TASP1: variants seen among roughly 807,000 people sequenced by gnomAD.
TASP1 encodes taspase 1.
In TASP1, 16 loss-of-function variants were observed where a neutral mutation model predicts 56.6. That is an observed-to-expected ratio of 0.28 (90% confidence interval 0.19 to 0.43). The LOEUF (loss-of-function observed/expected upper bound fraction) is 0.43. TASP1 is among the 20% of genes least tolerant of loss of function. TASP1 has a pLI of 1.00. For missense variants in TASP1, 393 were observed against 511.6 expected, an observed-to-expected ratio of 0.77 and a Z score of 2.24; for synonymous variants, 179 against 184.2, an observed-to-expected ratio of 0.97 and a Z score of 0.23.
chr20:13,358,419 C>CTA, the TASP1 span, among the ~76,000 whole-genome samples: 1 of 152,178 alleles, frequency 6.6e-6, no homozygotes, highest in African/African-American at 2.4e-5. Flanking sequence ...AAAGATCCAC[C>CTA]TATGACCTCA....
Position 13,472,004 on chromosome 20 carries a change from A to G in TASP1, c.985+11223T>C, listed in dbSNP as rs138900639. 3.3e-3 allele frequency among the ~76,000 whole-genome samples: 495 copies of G among 152,164 alleles called. 2 individuals are homozygous for G. Among genetic ancestry groups the G allele is most frequent in the East Asian group, 0.012 (60 of 5,178 alleles). ...TGGAAAAGACTATTTTAAAGTTCAT[A>G]TGGAACCAAAAAAGAGCCTGCATTG... On this transcript the variant is annotated intron_variant, in intron 11 of 13. Coordinates refer to ENST00000337743, the MANE Select transcript of TASP1 (RefSeq NM_017714.3).
chr20:13,127,974 C>T, the TASP1 span, among the ~76,000 whole-genome samples: 1 of 152,118 alleles, frequency 6.6e-6, no homozygotes, highest in Non-Finnish European at 1.5e-5. Context: ...ACTATTCACT[C>T]GTATGTGGCC....
At chr20:13,576,371 AAG>A (rs1450012213) in intron 6 of TASP1, among the ~76,000 whole-genome samples, 23 of 145,490 alleles carry the variant, frequency 1.6e-4, no homozygotes, top group South Asian at 6.7e-4. Flanking sequence ...GAAAGAAAGA[AAG>A]AAAGAAAGAA....
intron 11 of TASP1, among the ~76,000 whole-genome samples, chr20:13,449,223 C>A (rs1249672955): frequency 6.6e-6 from 1 of 151,998 alleles, no homozygotes; most frequent in Admixed American, 6.6e-5. Flanking sequence ...GTTGATATGG[C>A]CAAATAATGC....
intron 10 of TASP1, among the ~76,000 whole-genome samples, chr20:13,527,964 G>A (rs2045050174): frequency 6.6e-6 from 1 of 152,060 alleles, no homozygotes; most frequent in Admixed American, 6.6e-5. Flanking sequence ...ACTTAAGCCT[G>A]TAATCCCAGC....
chr20:13,495,390 T>A (rs551284788), intron 10 of TASP1, among the ~76,000 whole-genome samples: 1 of 152,306 alleles, frequency 6.6e-6, no homozygotes, highest in South Asian at 2.1e-4. Context: ...TGCTCACCAG[T>A]CATTGCTTAT....
At chr20:13,367,520 C>A in the TASP1 span, among the ~76,000 whole-genome samples, 1 of 152,156 alleles carries the variant, frequency 6.6e-6, no homozygotes, top group Admixed American at 6.6e-5. Flanking sequence ...ATTGGATATC[C>A]TTTAATGTGC....
At chr20:13,224,515 T>C in the TASP1 span, among the ~76,000 whole-genome samples, 1 of 152,222 alleles carries the variant, frequency 6.6e-6, no homozygotes, top group African/African-American at 2.4e-5. Flanking sequence ...ATTTGTTGGT[T>C]CTGTGCTATC....
At chr20:13,398,351 G>A (rs1252253786) in intron 13 of TASP1, among the ~76,000 whole-genome samples, 1 of 151,902 alleles carries the variant, frequency 6.6e-6, no homozygotes, top group Non-Finnish European at 1.5e-5. Context: ...CTTCTGCTGG[G>A]TCCTGGCAGG....
the TASP1 span, among the ~76,000 whole-genome samples, chr20:13,123,057 G>A: frequency 1.3e-5 from 2 of 152,162 alleles, no homozygotes; most frequent in African/African-American, 2.4e-5. Flanking sequence ...TCGGCCAGGC[G>A]TGGTGGCTCA....
the TASP1 span, among the ~76,000 whole-genome samples, chr20:13,112,767 G>A: frequency 9.2e-5 from 14 of 152,152 alleles, no homozygotes; most frequent in Admixed American, 2.6e-4. Context: ...AGCCTCAATC[G>A]CTCTTGGGGG....
At chr20:13,123,535 C>T in the TASP1 span, among the ~76,000 whole-genome samples, 1 of 152,118 alleles carries the variant, frequency 6.6e-6, no homozygotes, top group Non-Finnish European at 1.5e-5. Flanking sequence ...CAGTAAGTGG[C>T]AAAGCCAGGA....
intron 7 of TASP1, among the ~76,000 whole-genome samples, chr20:13,567,639 G>GA (rs2046579719): frequency 6.6e-6 from 1 of 151,718 alleles, no homozygotes; most frequent in African/African-American, 2.4e-5. Context: ...CTTCCAAAGA[G>GA]AAAAAAATAC....
In TASP1 at chr20:13,543,033, C is replaced by T. The variant is rs1048655682; in HGVS notation, c.676-8892G>A. On this transcript the variant is annotated intron_variant, in intron 8 of 13. Transcript: ENST00000337743. Reference sequence around the variant, plus strand: ...GAGACCAAAAAAGGCAAAGTTGGTTCTGTGAGAAAATACTTGAATGAATTC... The same window carrying T: ...GAGACCAAAAAAGGCAAAGTTGGTTTTGTGAGAAAATACTTGAATGAATTC... Among the ~76,000 whole-genome samples the T allele has an allele frequency of 9.2e-5, 14 of 152,130 alleles. 1 individual carries two copies. Among genetic ancestry groups the T allele is most frequent in the Non-Finnish European group, 1.9e-4 (13 of 68,024 alleles).
chr20:13,429,628 G>A (rs2042734427), intron 12 of TASP1, among the ~76,000 whole-genome samples: 1 of 139,592 alleles, frequency 7.2e-6, no homozygotes, highest in Non-Finnish European at 1.6e-5. Flanking sequence ...GTGTGTGTGT[G>A]TGTGTGTCTG....
the TASP1 span, among the ~76,000 whole-genome samples, chr20:13,135,047 G>T: frequency 6.6e-6 from 1 of 152,188 alleles, no homozygotes; most frequent in Non-Finnish European, 1.5e-5. Flanking sequence ...AGTATGTAAA[G>T]TCATTAAGAG....
the TASP1 span, among the ~76,000 whole-genome samples, chr20:13,160,850 A>G: frequency 0.08 from 12,201 of 152,278 alleles, 569 homozygotes; most frequent in African/African-American, 0.11. Context: ...CTGTGGGATC[A>G]TGAAGGTGGG....
chr20:13,275,218 G>A, the TASP1 span, among the ~76,000 whole-genome samples: 1 of 151,556 alleles, frequency 6.6e-6, no homozygotes, highest in East Asian at 1.9e-4. Flanking sequence ...AAATAGTCAT[G>A]TAAAGGCCTT....
Position 13,437,208 on chromosome 20 carries a change from G to A in TASP1, c.986-2054C>T, listed in dbSNP as rs187882173. On this transcript the variant is annotated intron_variant, in intron 11 of 13. Coordinates refer to ENST00000337743, the MANE Select transcript of TASP1 (RefSeq NM_017714.3). The stretch of plus-strand genomic sequence containing the variant: ...GGGATGCAAGGCTGGTTCAACATAC[G>A]AAAATCAATAAACATAGTCCAGCAT... Among the ~76,000 whole-genome samples, 697 of 152,192 alleles carry A rather than the reference G, an allele frequency of 4.6e-3. 3 individuals are homozygous for A. The highest frequency in any genetic ancestry group is 0.012 in the East Asian group (60 of 5,166).
Sources: allele counts gnomAD v4.1 joint callset (sites outside exome capture counted in the v4.1 genomes callset), GRCh38; gene constraint gnomAD v4.1.1; transcripts MANE v1.5; gene names NCBI Gene and HGNC (gene_info 2026-07-23, HGNC 2026-07-21).